The following NT5DC1 variants were observed in gnomAD, a reference collection of about 807,000 sequenced individuals.
The protein encoded by NT5DC1 is 5'-nucleotidase domain-containing protein 1.
In NT5DC1, 42 loss-of-function variants were observed where a neutral mutation model predicts 59.4. The ratio of observed to expected loss-of-function variants is 0.71; its 90% CI spans 0.55 to 0.92. The LOEUF (loss-of-function observed/expected upper bound fraction) is 0.92. Ranked by LOEUF, NT5DC1 falls within the 40% of genes least tolerant of loss-of-function variation. The pLI, the probability that NT5DC1 is intolerant of heterozygous loss-of-function variation, is 0.00. For synonymous variants in NT5DC1, 172 were observed against 188.1 expected (o/e 0.91, Z 0.70); for missense variants, 501 against 537.1 (o/e 0.93, Z 0.66).
intron 6 of NT5DC1, among the ~76,000 whole-genome samples, chr6:116,202,380 A>T (rs1781367686): frequency 6.6e-6 from 1 of 152,030 alleles, no homozygotes; most frequent in Non-Finnish European, 1.5e-5. Flanking sequence ...TCTTAAACTC[A>T]TCACTAAAAA....
At chr6:116,157,818 C>T (rs536514296) in intron 6 of NT5DC1, among the ~76,000 whole-genome samples, 1 of 152,178 alleles carries the variant, frequency 6.6e-6, no homozygotes, top group Non-Finnish European at 1.5e-5. Context: ...ACCCAGCTGA[C>T]CTGACTCACC....
intron 7 of NT5DC1, 22 bp from the exon 8 acceptor site, chr6:116,223,012 T>G (rs752557814): frequency 7.9e-7 from 1 of 1,272,952 alleles, no homozygotes; most frequent in South Asian, 1.2e-5. Flanking sequence ...AATAAACTTA[T>G]GAAAAATTGT....
chr6:116,173,180 C>T lies in NT5DC1; in HGVS notation c.530-47874C>T, dbSNP rs553040406. Among the ~76,000 whole-genome samples, 355 of 152,246 alleles carry T rather than the reference C, an allele frequency of 2.3e-3. 2 individuals carry two copies. The highest frequency in any genetic ancestry group is 7.9e-3 in the African/African-American group (329 of 41,520). ...AACATTGTATGTGTCTAAACCACAG[C>T]CCCTGGCAGTGTTCATCTAAAGTGT... is the stretch of plus-strand genomic sequence containing the variant. On this transcript the variant is annotated intron_variant, in intron 6 of 11. Coordinates refer to ENST00000319550, the MANE Select transcript of NT5DC1 (RefSeq NM_152729.3).
chr6:116,231,412 C>T (rs1416367840), intron 8 of NT5DC1, among the ~76,000 whole-genome samples: 1 of 151,972 alleles, frequency 6.6e-6, no homozygotes, highest in African/African-American at 2.4e-5. Context: ...GAAAGGAATC[C>T]TAGAAATAAA....
intron 4 of NT5DC1, among the ~76,000 whole-genome samples, chr6:116,114,800 A>G (rs1343189627): frequency 2.0e-5 from 3 of 152,098 alleles, no homozygotes; most frequent in African/African-American, 7.2e-5. Context: ...AAGCGCAGAG[A>G]ATACCTCCTA....
intron 6 of NT5DC1, among the ~76,000 whole-genome samples, chr6:116,213,862 G>A (rs1781636086): frequency 6.6e-6 from 1 of 151,940 alleles, no homozygotes; most frequent in African/African-American, 2.4e-5. Context: ...TTCTTATTGG[G>A]GATTTTGTGC....
At chr6:116,128,845 A>T (rs1422814987) in intron 6 of NT5DC1, among the ~76,000 whole-genome samples, 1 of 152,290 alleles carries the variant, frequency 6.6e-6, no homozygotes, top group Non-Finnish European at 1.5e-5. Context: ...GTATAGTCTG[A>T]TATCAGTGTT....
intron 6 of NT5DC1, among the ~76,000 whole-genome samples, chr6:116,208,582 T>C (rs1781507355): frequency 6.6e-6 from 1 of 152,074 alleles, no homozygotes; most frequent in African/African-American, 2.4e-5. Flanking sequence ...ACAAGCTCTT[T>C]AGTTCTTTCT....
At chr6:116,208,599 G>A (rs1781508076) in intron 6 of NT5DC1, among the ~76,000 whole-genome samples, 1 of 151,984 alleles carries the variant, frequency 6.6e-6, no homozygotes, top group Non-Finnish European at 1.5e-5. Context: ...TTCTGATCAT[G>A]TCATCATGTC....
intron 3 of NT5DC1, among the ~76,000 whole-genome samples, chr6:116,110,032 G>C (rs1024649834): frequency 6.6e-6 from 1 of 152,108 alleles, no homozygotes; most frequent in African/African-American, 2.4e-5. Context: ...AGGTTTAATA[G>C]ATATAGTAAG....
chr6:116,179,040 G>T lies in NT5DC1; in HGVS notation c.530-42014G>T, dbSNP rs146538658. ...ATTTCTTGGCCCTAAAATAGTCAAA[G>T]TAAGTTTGTAAAATTCGATATGTTC... is the stretch of plus-strand genomic sequence containing the variant. On this transcript the variant is annotated intron_variant, in intron 6 of 11. Coordinates refer to ENST00000319550, the MANE Select transcript of NT5DC1 (RefSeq NM_152729.3). 3.6e-4 allele frequency among the ~76,000 whole-genome samples: 55 copies of T among 152,192 alleles called. 2 individuals are homozygous for T. Among genetic ancestry groups the T allele is most frequent in the African/African-American group, 1.3e-3 (55 of 41,524 alleles).
At chr6:116,104,103 GGAGA>G (rs1778717760) in intron 1 of NT5DC1, among the ~76,000 whole-genome samples, 1 of 152,154 alleles carries the variant, frequency 6.6e-6, no homozygotes, top group South Asian at 2.1e-4. Context: ...GGAATGTCAT[GGAGA>G]GCCCTGTGCC....
At chr6:116,138,276 C>T (rs1302427099) in intron 6 of NT5DC1, among the ~76,000 whole-genome samples, 1 of 152,152 alleles carries the variant, frequency 6.6e-6, no homozygotes, top group African/African-American at 2.4e-5. Flanking sequence ...TAGCCAAGAT[C>T]ACCATGGTAA....
At chr6:116,173,585 A>C (rs568006833) in intron 6 of NT5DC1, among the ~76,000 whole-genome samples, 10 of 152,292 alleles carry the variant, frequency 6.6e-5, no homozygotes, top group Admixed American at 2.0e-4. Context: ...TCAGGGTATG[A>C]GGAGCTGTGG....
At chr6:116,242,965 G>A (rs1325987185) in intron 11 of NT5DC1, among the ~76,000 whole-genome samples, 1 of 152,152 alleles carries the variant, frequency 6.6e-6, no homozygotes, top group Admixed American at 6.5e-5. Flanking sequence ...GAGAAAAGCT[G>A]AGGCTTAGTG....
At chr6:116,137,752 C>A (rs1045168798) in intron 6 of NT5DC1, among the ~76,000 whole-genome samples, 4 of 152,118 alleles carry the variant, frequency 2.6e-5, no homozygotes, top group Admixed American at 6.5e-5. Flanking sequence ...ATATGGAAAA[C>A]CAGTTATCTT....
chr6:116,196,271 A>T (rs975211623), intron 6 of NT5DC1, among the ~76,000 whole-genome samples: 2 of 152,034 alleles, frequency 1.3e-5, no homozygotes, highest in Non-Finnish European at 2.9e-5. Flanking sequence ...TATATTTTCC[A>T]TATCACATTT....
chr6:116,125,772 G>T (rs942335593), intron 6 of NT5DC1: 1 of 316,450 alleles, frequency 3.2e-6, no homozygotes, highest in Non-Finnish European at 6.0e-6. Context: ...AGGATTGGAT[G>T]TCTGTATTAA....
At chr6:116,237,703 G>C (rs898446483) in intron 9 of NT5DC1, 1 of 318,948 alleles carries the variant, frequency 3.1e-6, no homozygotes, top group Admixed American at 3.9e-5. Flanking sequence ...GAACTTTCCA[G>C]ATTCAACATG....
Sources: gnomAD v4.1 joint callset for allele counts (sites outside exome capture counted in the v4.1 genomes callset) on GRCh38, gnomAD v4.1.1 for gene constraint, MANE v1.5 for transcripts, NCBI Gene and HGNC (gene_info 2026-07-23, HGNC 2026-07-21) for gene names.